The following FYB1 variants were observed in gnomAD, a reference collection of about 807,000 sequenced individuals.
FYB1 encodes FYN-binding protein 1.
Under a neutral mutation model 94.1 loss-of-function variants are expected in FYB1, and 41 were observed. The ratio of observed to expected loss-of-function variants is 0.44; its 90% confidence interval spans 0.34 to 0.57. FYB1 has a LOEUF of 0.57. FYB1 is among the 20% of genes least tolerant of loss of function. The probability of loss-of-function intolerance (pLI) is 0.02; values close to 1 mark genes in which losing one functional copy is unlikely to be tolerated. For synonymous variants in FYB1, 367 were observed against 353.2 expected, an observed-to-expected ratio of 1.04 and a Z score of -0.44; for missense variants, 1,050 against 976.8, an observed-to-expected ratio of 1.07 and a Z score of -1.00.
intron 3 of FYB1, among the ~76,000 whole-genome samples, chr5:39,143,276 G>A (rs1245420251): frequency 1.3e-5 from 2 of 151,802 alleles, no homozygotes; most frequent in Admixed American, 6.6e-5. Context: ...TTCTTTTCTT[G>A]GTGGATGGCA....
intron 3 of FYB1, among the ~76,000 whole-genome samples, chr5:39,151,019 A>G (rs1013278001): frequency 6.6e-6 from 1 of 152,114 alleles, no homozygotes; most frequent in Non-Finnish European, 1.5e-5. Flanking sequence ...CTCTTTCCCT[A>G]CCATTCCTTC....
intron 1 of FYB1, among the ~76,000 whole-genome samples, chr5:39,227,418 T>A (rs2150564769): frequency 1.3e-5 from 2 of 152,226 alleles, no homozygotes; most frequent in East Asian, 3.9e-4. Flanking sequence ...TGCTGAGATC[T>A]GTGAGAATGA....
At chr5:39,107,970 C>T (rs577230609) in intron 18 of FYB1, among the ~76,000 whole-genome samples, 40 of 152,092 alleles carry the variant, frequency 2.6e-4, no homozygotes, top group Non-Finnish European at 5.2e-4. Flanking sequence ...TTATGAGTCA[C>T]AGTACAATAA....
At chr5:39,162,306 T>C (rs1473558566) in intron 2 of FYB1, among the ~76,000 whole-genome samples, 2 of 152,200 alleles carry the variant, frequency 1.3e-5, no homozygotes. Context: ...TTTTCTTGTA[T>C]GTATGTCTTT....
chr5:39,138,678 T>C lies in FYB1; in HGVS notation c.1373A>G (p.Glu458Gly). 1 of 1,524,510 alleles carries C rather than the reference T, an allele frequency of 6.6e-7. No homozygotes were observed. Among genetic ancestry groups the C allele is most frequent in the Non-Finnish European group, 9.0e-7 (1 of 1,106,622 alleles). The allele number at this position is 1,524,510 out of a possible 1,614,324, so 94.4% of individuals were successfully genotyped here. The change falls in exon 6 of 19, where the codon GAA becomes GGA. Residue 458 changes from glutamate (E) to glycine (G), a missense_variant. Glu to Gly is a moderately conservative substitution (Grantham distance 98). Transcript: ENST00000512982. ...AGNLDEEQDS[E>G]GETYEDIEAS... The stretch of plus-strand genomic sequence containing the variant: ...ATACATGTCTTCATATGTTTCTCCT[T>C]CACTGTCTTGTTCCTGTAAAGAAAA...
rs576714026 is a variant in FYB1, at chr5:39,198,003, T to G, written c.1135+3823A>C. On this transcript the variant is annotated intron_variant, in intron 2 of 18. Coordinates refer to ENST00000512982, the MANE Select transcript of FYB1 (RefSeq NM_001465.6). ...ATAATATAGTATAATATAAAATGAT[T>G]TATACTATAAGATGATCAGAATATC... Among the ~76,000 whole-genome samples, 4 of 152,260 alleles carry G rather than the reference T, an allele frequency of 2.6e-5. No homozygotes were observed. In the East Asian group the frequency reaches 7.7e-4, roughly 29 times the overall value.
chr5:39,117,686 T>C (rs76690520), intron 16 of FYB1, among the ~76,000 whole-genome samples: 6,007 of 152,168 alleles, frequency 0.039, 414 homozygotes, highest in African/African-American at 0.14. Context: ...TTCCTGTCCC[T>C]GAGTCACCTT....
intron 2 of FYB1, among the ~76,000 whole-genome samples, chr5:39,156,672 A>T (rs1227709113): frequency 6.6e-6 from 1 of 152,198 alleles, no homozygotes; most frequent in African/African-American, 2.4e-5. Flanking sequence ...ACTGCTAGGA[A>T]TACATTTGCA....
Position 39,219,531 on chromosome 5 carries a change from G to A in FYB1, c.-116C>T, listed in dbSNP as rs1048509161. On this transcript the variant is annotated 5_prime_UTR_variant, in exon 1 of 19. An upstream open reading frame in the 5' UTR gains an earlier in-frame stop. Coordinates refer to ENST00000512982, the MANE Select transcript of FYB1 (RefSeq NM_001465.6). ...TGGGCCCTACTCACTTCTAGCTGTC[G>A]CATCTGCTCTGCATGTGGAACTCAA... 8 of 985,258 alleles carry A rather than the reference G, an allele frequency of 8.1e-6. No individual in the cohort carries two copies. The highest frequency in any genetic ancestry group is 4.7e-5 in the South Asian group (1 of 21,290). 61.0% of individuals were successfully genotyped at this position (985,258 alleles called of 1,614,324 possible).
intron 2 of FYB1, chr5:39,170,075 C>A: frequency 1.2e-6 from 1 of 832,722 alleles, no homozygotes. Flanking sequence ...CTTACTTTCA[C>A]ATTTGCAGTG....
At chr5:39,109,768 C>T (rs1166989684) in intron 17 of FYB1, among the ~76,000 whole-genome samples, 2 of 152,040 alleles carry the variant, frequency 1.3e-5, no homozygotes, top group Non-Finnish European at 2.9e-5. Context: ...TTTCAGGGGA[C>T]TCCAAAGGCA....
intron 2 of FYB1, among the ~76,000 whole-genome samples, chr5:39,196,401 G>A (rs1189373545): frequency 6.6e-6 from 1 of 151,864 alleles, no homozygotes; most frequent in East Asian, 1.9e-4. Context: ...CGCCATGTTG[G>A]CCAGGCTGGT....
intron 2 of FYB1, among the ~76,000 whole-genome samples, chr5:39,182,614 G>T (rs1451742762): frequency 6.6e-6 from 1 of 152,180 alleles, no homozygotes; most frequent in Non-Finnish European, 1.5e-5. Context: ...CATCTTCCTT[G>T]CTAGGTAGTT....
Position 39,108,278 on chromosome 5 carries a change from A to T in FYB1, c.2436-16T>A, listed in dbSNP as rs1398869823. ...CTCTCCATCACTGTAAATGTAAAAA[A>T]AAATTTTTATTTTAAAGAAACTATG... is the stretch of plus-strand genomic sequence containing the variant. On this transcript the variant is annotated splice_polypyrimidine_tract_variant and intron_variant, in intron 17 of 18. Coordinates refer to ENST00000512982, the MANE Select transcript of FYB1 (RefSeq NM_001465.6). 2.0e-6 allele frequency: 3 copies of T among 1,519,536 alleles called. No homozygotes were observed. Among genetic ancestry groups the T allele is most frequent in the Non-Finnish European group, 2.7e-6 (3 of 1,124,418 alleles). The allele number at this position is 1,519,536 out of a possible 1,614,324, so 94.1% of individuals were successfully genotyped here.
At chr5:39,174,275 T>G (rs1248792742) in intron 2 of FYB1, among the ~76,000 whole-genome samples, 1 of 152,216 alleles carries the variant, frequency 6.6e-6, no homozygotes, top group African/African-American at 2.4e-5. Flanking sequence ...ATAAAAATGC[T>G]ACTGATTTCT....
At chr5:39,108,864 C>T (rs959911489) in intron 17 of FYB1, among the ~76,000 whole-genome samples, 1 of 152,048 alleles carries the variant, frequency 6.6e-6, no homozygotes, top group African/African-American at 2.4e-5. Context: ...TACTTTTACA[C>T]ATTTTAGGTT....
At chr5:39,198,965 A>G (rs696125) in intron 2 of FYB1, among the ~76,000 whole-genome samples, 11,653 of 152,048 alleles carry the variant, frequency 0.077, 742 homozygotes, top group African/African-American at 0.17. Context: ...CTTGGATTTT[A>G]GCCTCAGATA....
intron 3 of FYB1, among the ~76,000 whole-genome samples, chr5:39,153,039 A>G (rs1362912785): frequency 6.6e-6 from 1 of 152,192 alleles, no homozygotes; most frequent in Non-Finnish European, 1.5e-5. Flanking sequence ...TAGAGATGAT[A>G]TATGTAAAAG....
intron 1 of FYB1, among the ~76,000 whole-genome samples, chr5:39,229,132 A>G (rs2150567597): frequency 6.6e-6 from 1 of 152,220 alleles, no homozygotes; most frequent in South Asian, 2.1e-4. Flanking sequence ...GGGGCTATCA[A>G]AAGGAGCCTG....
Sources: gnomAD v4.1 joint callset for allele counts (sites outside exome capture counted in the v4.1 genomes callset) on GRCh38, gnomAD v4.1.1 for gene constraint, MANE v1.5 for transcripts, NCBI Gene and HGNC (gene_info 2026-07-23, HGNC 2026-07-21) for gene names.